Variants in UST observed in about 807,000 individuals in gnomAD.
UST encodes the protein uronyl 2-sulfotransferase.
Under a neutral mutation model 45.6 loss-of-function variants are expected in UST, and 21 were observed. The ratio of observed to expected loss-of-function variants is 0.46; its 90% CI spans 0.33 to 0.66. UST has a LOEUF of 0.66. UST is among the 30% of genes least tolerant of loss of function. UST has a pLI of 0.02. For synonymous variants in UST, 215 were observed against 200.6 expected, an observed-to-expected ratio of 1.07 and a Z score of -0.61; for missense variants, 463 against 512.4, an observed-to-expected ratio of 0.90 and a Z score of 0.93.
chr6:148,796,739 T>C (rs1359578149), intron 1 of UST, among the ~76,000 whole-genome samples: 1 of 149,656 alleles, frequency 6.7e-6, no homozygotes, highest in Non-Finnish European at 1.5e-5. Flanking sequence ...GCTTCCCTAG[T>C]ACAGGCTCTC....
chr6:148,750,980 A>G (rs1384557447), intron 1 of UST, among the ~76,000 whole-genome samples: 1 of 152,162 alleles, frequency 6.6e-6, no homozygotes, highest in East Asian at 1.9e-4. Context: ...GGAATTTGTC[A>G]CAAATGTACA....
At position 149,074,978 on chromosome 6, in the gene UST, A is replaced by G. The variant is rs937242409; in HGVS notation, c.*862A>G. Reference sequence around the variant, plus strand: ...TTCCATTTCAAAGCACCGTGCTGACAGATATCAAAGTACTCTAGCAGGGAA... The same window carrying G: ...TTCCATTTCAAAGCACCGTGCTGACGGATATCAAAGTACTCTAGCAGGGAA... On this transcript the variant is annotated 3_prime_UTR_variant, in exon 8 of 8. Coordinates refer to ENST00000367463, the MANE Select transcript of UST (RefSeq NM_005715.3). The G allele has an allele frequency of 2.6e-5, 4 of 152,306 alleles. No homozygotes were observed. Among genetic ancestry groups the G allele is most frequent in the African/African-American group, 9.6e-5 (4 of 41,462 alleles). The allele number at this position is 152,306 out of a possible 1,614,324, so 9.4% of individuals were successfully genotyped here.
chr6:148,815,636 C>G (rs1777340367), intron 1 of UST, among the ~76,000 whole-genome samples: 1 of 151,986 alleles, frequency 6.6e-6, no homozygotes, highest in South Asian at 2.1e-4. Flanking sequence ...AATATCATTG[C>G]CATTAAATAT....
intron 1 of UST, among the ~76,000 whole-genome samples, chr6:148,829,047 G>A (rs1284494400): frequency 6.6e-6 from 1 of 152,132 alleles, no homozygotes; most frequent in African/African-American, 2.4e-5. Flanking sequence ...CAATTCCTTG[G>A]AGTAAGAAGT....
chr6:148,865,412 G>C (rs1427571611), intron 1 of UST, among the ~76,000 whole-genome samples: 2 of 152,216 alleles, frequency 1.3e-5, no homozygotes, highest in Admixed American at 1.3e-4. Context: ...CATTTTCAGT[G>C]TGGTGTCCAA....
intron 1 of UST, among the ~76,000 whole-genome samples, chr6:148,759,717 G>A (rs1243989880): frequency 1.3e-5 from 2 of 150,770 alleles, no homozygotes; most frequent in Non-Finnish European, 3.0e-5. Context: ...GCATGGTGGT[G>A]GGCGCTTGTA....
chr6:149,053,313 T>C (rs570491173), intron 7 of UST, among the ~76,000 whole-genome samples: 1 of 152,318 alleles, frequency 6.6e-6, no homozygotes, highest in South Asian at 2.1e-4. Context: ...TTTGGTCTTG[T>C]TAGTCTGTTA....
At chr6:148,829,140 G>GGGAT (rs61564934) in intron 1 of UST, among the ~76,000 whole-genome samples, 15,260 of 149,268 alleles carry the variant, frequency 0.1, 941 homozygotes, top group Non-Finnish European at 0.13. Context: ...GTTAAGCCCT[G>GGGAT]GGATGGATGG....
chr6:148,840,304 C>T (rs1777864953), intron 1 of UST, among the ~76,000 whole-genome samples: 1 of 152,118 alleles, frequency 6.6e-6, no homozygotes, highest in African/African-American at 2.4e-5. Flanking sequence ...AGACCCTCAG[C>T]CCCATGTGAA....
chr6:148,914,317 A>G (rs1779539947), intron 2 of UST, among the ~76,000 whole-genome samples: 1 of 151,810 alleles, frequency 6.6e-6, no homozygotes, highest in Non-Finnish European at 1.5e-5. Flanking sequence ...TCTACCTTTG[A>G]TAAATGAAAT....
chr6:148,991,278 C>G (rs886821860), intron 5 of UST, among the ~76,000 whole-genome samples: 26 of 152,138 alleles, frequency 1.7e-4, no homozygotes, highest in African/African-American at 5.8e-4. Context: ...TGCAAATGTT[C>G]GTTTTTGAAT....
chr6:148,913,870 C>T (rs150993318), intron 2 of UST, among the ~76,000 whole-genome samples: 5 of 151,998 alleles, frequency 3.3e-5, no homozygotes, highest in Non-Finnish European at 7.4e-5. Flanking sequence ...GTTACAAAGC[C>T]CTATATACAT....
intron 1 of UST, among the ~76,000 whole-genome samples, chr6:148,886,771 T>G (rs1240440556): frequency 6.6e-6 from 1 of 152,216 alleles, no homozygotes; most frequent in Non-Finnish European, 1.5e-5. Context: ...TACATAACCA[T>G]GTATGTAGAA....
chr6:148,847,241 C>CA (rs1281245258), intron 1 of UST, among the ~76,000 whole-genome samples: 1 of 152,196 alleles, frequency 6.6e-6, no homozygotes. Flanking sequence ...CATAACTTGA[C>CA]AGAGTCTTCT....
intron 1 of UST, among the ~76,000 whole-genome samples, chr6:148,812,384 AT>A (rs905393501): frequency 6.6e-6 from 1 of 152,248 alleles, no homozygotes; most frequent in African/African-American, 2.4e-5. Flanking sequence ...AGCACCACGT[AT>A]TGGTTATTTA....
chr6:148,984,142 T>C (rs1781192674), intron 5 of UST, among the ~76,000 whole-genome samples: 1 of 152,240 alleles, frequency 6.6e-6, no homozygotes, highest in Admixed American at 6.5e-5. Flanking sequence ...TCAGATATGG[T>C]CAATTCCTTC....
At chr6:148,750,430 T>C (rs1001747489) in intron 1 of UST, among the ~76,000 whole-genome samples, 1 of 152,240 alleles carries the variant, frequency 6.6e-6, no homozygotes, top group Non-Finnish European at 1.5e-5. Flanking sequence ...ACATTCAATC[T>C]GCACAGCAAC....
intron 2 of UST, among the ~76,000 whole-genome samples, chr6:148,924,611 T>C (rs1779776670): frequency 6.6e-6 from 1 of 152,208 alleles, no homozygotes; most frequent in Non-Finnish European, 1.5e-5. Context: ...AATGCCCTTG[T>C]CCCAATTGTA....
intron 1 of UST, among the ~76,000 whole-genome samples, chr6:148,764,865 A>C (rs1219212529): frequency 6.6e-6 from 1 of 152,122 alleles, no homozygotes; most frequent in East Asian, 1.9e-4. Context: ...TCTGACTAGA[A>C]TTTGACAGGC....
Sources: gnomAD v4.1 joint callset for allele counts (sites outside exome capture counted in the v4.1 genomes callset) on GRCh38, gnomAD v4.1.1 for gene constraint, MANE v1.5 for transcripts, NCBI Gene and HGNC (gene_info 2026-07-23, HGNC 2026-07-21) for gene names.